The following HIPK2 variants were observed in gnomAD, a reference collection of about 807,000 sequenced individuals.
HIPK2 encodes homeodomain-interacting protein kinase 2.
In HIPK2, 27 loss-of-function variants were observed where a neutral mutation model predicts 113.7. That is an observed-to-expected ratio of 0.24 (90% CI 0.17 to 0.33). HIPK2 has a LOEUF of 0.33. HIPK2 is among the 10% of genes least tolerant of loss of function. HIPK2 has a pLI of 1.00. For missense variants in HIPK2, 1,257 were observed against 1,588.0 expected (o/e 0.79, Z 3.54); for synonymous variants, 631 against 642.2 (o/e 0.98, Z 0.26).
intron 2 of HIPK2, among the ~76,000 whole-genome samples, chr7:139,681,122 C>T (rs1420686047): frequency 2.0e-5 from 3 of 152,188 alleles, no homozygotes; most frequent in Non-Finnish European, 4.4e-5. Flanking sequence ...CAGGAGAGCC[C>T]GTCAACCACA....
Position 139,583,857 on chromosome 7 carries a change from C to G in HIPK2, c.2925G>C (p.Gln975His). The G allele has an allele frequency of 6.2e-7, 1 of 1,613,110 alleles. No individual in the cohort carries two copies. The highest frequency in any genetic ancestry group is 8.5e-7 in the Non-Finnish European group (1 of 1,179,538). ...CACACTCCACCAATACTTCGCTGGCCTGGGTTTTCAGGGGTGGCACGATGA... is the reference window on the plus strand; with the variant it reads ...CACACTCCACCAATACTTCGCTGGCGTGGGTTTTCAGGGGTGGCACGATGA... ...RTIIVPPLKT[Q>H]ASEVLVECDS... Residue 975 changes from glutamine (Q) to histidine (H), a missense_variant, in exon 13 of 15, where the codon CAG (glutamine) becomes CAC (histidine). Gln to His is a conservative substitution (Grantham distance 24). Coordinates refer to ENST00000406875, the MANE Select transcript of HIPK2 (RefSeq NM_022740.5).
chr7:139,714,816 A>G lies in HIPK2; in HGVS notation c.1103+1116T>C, dbSNP rs555135742. Among the ~76,000 whole-genome samples, 61 of 152,292 alleles carry G rather than the reference A, an allele frequency of 4.0e-4. No individual in the cohort carries two copies. The highest frequency in any genetic ancestry group is 1.3e-3 in the African/African-American group (53 of 41,578). On this transcript the variant is annotated intron_variant, in intron 2 of 14. Coordinates refer to ENST00000406875, the MANE Select transcript of HIPK2 (RefSeq NM_022740.5). This position sits in a 1 kb window ranked among gnomAD's most constrained non-coding sequence, Gnocchi z 4.2. ...CACCCCCAGGCTGGTTCCACAGAGC[A>G]GGGTCTTGCTTTCCATCCCTGCCGC...
chr7:139,662,634 T>A (rs76180680), intron 2 of HIPK2, among the ~76,000 whole-genome samples: 1 of 146,594 alleles, frequency 6.8e-6, no homozygotes, highest in Non-Finnish European at 1.5e-5. Flanking sequence ...TTTTTTTTTT[T>A]TTTGAGACGG....
chr7:139,768,927 T>C lies in HIPK2; in HGVS notation c.19+8678A>G, dbSNP rs547372222. On this transcript the variant is annotated intron_variant, in intron 1 of 14. Coordinates refer to ENST00000406875, the MANE Select transcript of HIPK2 (RefSeq NM_022740.5). ...GCACACATAACATTGGAACAGCCTC[T>C]TCATTGCTCTGGCCTCAGATTCTCA... Among the ~76,000 whole-genome samples the C allele has an allele frequency of 3.6e-4, 55 of 152,314 alleles. No homozygotes were observed. The South Asian group carries it at 0.011, about 32-fold the overall frequency.
In HIPK2 at chr7:139,749,937, C is replaced by T. The variant is rs73158625; in HGVS notation, c.19+27668G>A. ...GTCATTCCCTCATTTGATATTTCCC[C>T]TAACTCTCTTCCCTAACCTCTTCCC... On this transcript the variant is annotated intron_variant, in intron 1 of 14. Coordinates refer to ENST00000406875, the MANE Select transcript of HIPK2 (RefSeq NM_022740.5). Among the ~76,000 whole-genome samples the T allele has an allele frequency of 5.4e-4, 83 of 152,318 alleles. 1 individual carries two copies. Among genetic ancestry groups the T allele is most frequent in the Admixed American group, 1.3e-3 (20 of 15,300 alleles).
intron 2 of HIPK2, among the ~76,000 whole-genome samples, chr7:139,664,962 CA>C (rs1214317932): frequency 6.6e-6 from 1 of 152,156 alleles, no homozygotes; most frequent in Non-Finnish European, 1.5e-5. Context: ...GTGTCTCTAA[CA>C]CCACCATAAC....
intron 1 of HIPK2, among the ~76,000 whole-genome samples, chr7:139,746,267 G>C (rs964587556): frequency 2.0e-5 from 3 of 152,126 alleles, no homozygotes; most frequent in Non-Finnish European, 4.4e-5. Flanking sequence ...CCCTGTGTGG[G>C]GCAACCTCGA....
chr7:139,734,628 A>G (rs1422180546), intron 1 of HIPK2, among the ~76,000 whole-genome samples: 1 of 152,214 alleles, frequency 6.6e-6, no homozygotes, highest in Non-Finnish European at 1.5e-5. Flanking sequence ...CATGGGTATT[A>G]TTCATGGTAA....
At chr7:139,693,907 G>A (rs747306485) in intron 2 of HIPK2, among the ~76,000 whole-genome samples, 8 of 152,140 alleles carry the variant, frequency 5.3e-5, no homozygotes, top group Non-Finnish European at 1.0e-4. Flanking sequence ...CTCAATAAAT[G>A]CTTGCTGCAA....
chr7:139,621,938 A>AAAT (rs1374667888), intron 6 of HIPK2, among the ~76,000 whole-genome samples: 2 of 151,326 alleles, frequency 1.3e-5, no homozygotes, highest in African/African-American at 4.9e-5. Flanking sequence ...AAAAAAAAAA[A>AAAT]AAAAAATTAA....
chr7:139,650,132 C>A (rs1246681309), intron 2 of HIPK2, among the ~76,000 whole-genome samples: 1 of 152,072 alleles, frequency 6.6e-6, no homozygotes, highest in Non-Finnish European at 1.5e-5. Context: ...GGCAGATCAC[C>A]TGAGGTCAGG....
At chr7:139,693,015 A>G (rs1311313604) in intron 2 of HIPK2, among the ~76,000 whole-genome samples, 1 of 152,222 alleles carries the variant, frequency 6.6e-6, no homozygotes, top group Non-Finnish European at 1.5e-5. Context: ...GGAGAGAGCC[A>G]CTGCAGGAAG....
intron 6 of HIPK2, among the ~76,000 whole-genome samples, chr7:139,621,682 C>G (rs73156853): frequency 0.015 from 2,339 of 152,226 alleles, 19 homozygotes; most frequent in Middle Eastern, 0.038. Flanking sequence ...AATCCCAGCA[C>G]TTTGGGAGGT....
intron 9 of HIPK2, among the ~76,000 whole-genome samples, chr7:139,608,849 T>C (rs555948864): frequency 1.3e-4 from 20 of 152,338 alleles, no homozygotes; most frequent in Admixed American, 9.8e-4. Context: ...ATTAAAATTT[T>C]GTATTTCGAA....
intron 2 of HIPK2, among the ~76,000 whole-genome samples, chr7:139,642,844 G>C (rs763460905): frequency 6.6e-6 from 1 of 152,156 alleles, no homozygotes; most frequent in Non-Finnish European, 1.5e-5. Flanking sequence ...GCCAAACACC[G>C]TGGACCCCAA....
In HIPK2 at chr7:139,604,260, C is replaced by T. The variant is rs116905437; in HGVS notation, c.2113-37G>A. 8.3e-6 allele frequency: 13 copies of T among 1,572,820 alleles called. No individual in the cohort carries two copies. In the East Asian group the frequency reaches 2.0e-4, roughly 25 times the overall value. On this transcript the variant is annotated intron_variant, in intron 9 of 14. Transcript: ENST00000406875. ...AGGACATGTGCAATGACCATGTTTG[C>T]TAATCACATAATTGATTTGCATGAA... is the stretch of plus-strand genomic sequence containing the variant.
chr7:139,590,949 A>G (rs1798999306), intron 12 of HIPK2, among the ~76,000 whole-genome samples: 1 of 152,158 alleles, frequency 6.6e-6, no homozygotes, highest in South Asian at 2.1e-4. Flanking sequence ...GGCGGAAGCA[A>G]TCCTCCCATC....
Position 139,631,216 on chromosome 7 carries a change from A to G in HIPK2, c.1296T>C (p.Thr432=), listed in dbSNP as rs1569459015. Reference sequence around the variant, plus strand: ...AGTCCGTGTCACGGTTGAAAAACCTAGTTGTCTTTGTCCCGGCGCTTAATA... The same window carrying G: ...AGTCCGTGTCACGGTTGAAAAACCTGGTTGTCTTTGTCCCGGCGCTTAATA... ...EYLLSAGTKT[T]RFFNRDTDSP... Residue 432 remains threonine (T), a synonymous_variant, in exon 4 of 15, where the codon ACT becomes ACC. Transcript: ENST00000406875. The surrounding 1 kb of genome is among the most constrained non-coding windows in gnomAD (Gnocchi z 4.9). The G allele has an allele frequency of 6.2e-7, 1 of 1,613,812 alleles. No individual in the cohort carries two copies. The highest frequency in any genetic ancestry group is 8.5e-7 in the Non-Finnish European group (1 of 1,179,836).
rs1798167875 is a variant in HIPK2 at position 139,568,687 on chromosome 7, C to G, written c.*4240G>C. ...AAGTAAGGACTAGGTTGGCATCCCT[C>G]TGCTTGAGAGCTTGGTCCTAGTGAC... On this transcript the variant is annotated 3_prime_UTR_variant, in exon 15 of 15. Coordinates refer to ENST00000406875, the MANE Select transcript of HIPK2 (RefSeq NM_022740.5). 1 of 152,266 alleles carries G rather than the reference C, an allele frequency of 6.6e-6. No individual in the cohort carries two copies. Among genetic ancestry groups the G allele is most frequent in the Non-Finnish European group, 1.5e-5 (1 of 68,062 alleles). The allele number at this position is 152,266 out of a possible 1,614,324, so 9.4% of individuals were successfully genotyped here.
Sources: allele counts gnomAD v4.1 joint callset (sites outside exome capture counted in the v4.1 genomes callset), GRCh38; gene constraint gnomAD v4.1.1; non-coding constraint Gnocchi (gnomAD v3.1); transcripts MANE v1.5; gene names NCBI Gene and HGNC (gene_info 2026-07-23, HGNC 2026-07-21).